The following ADAMTS16 variants were observed in gnomAD, a reference collection of about 807,000 sequenced individuals.
ADAMTS16 encodes the protein A disintegrin and metalloproteinase with thrombospondin motifs 16.
In ADAMTS16, 94 loss-of-function variants were observed where a neutral mutation model predicts 145.8. The ratio of observed to expected loss-of-function variants is 0.64; its 90% CI spans 0.55 to 0.77. The LOEUF (loss-of-function observed/expected upper bound fraction) is 0.77, where lower values mean the gene tolerates loss of function less well. Ranked by LOEUF, ADAMTS16 falls within the 30% of genes least tolerant of loss-of-function variation. The probability of loss-of-function intolerance (pLI) is 0.00; values close to 1 mark genes in which losing one functional copy is unlikely to be tolerated. For missense variants in ADAMTS16, 1,585 were observed against 1,591.5 expected, an observed-to-expected ratio of 1.00 and a Z score of 0.07; for synonymous variants, 659 against 604.3, an observed-to-expected ratio of 1.09 and a Z score of -1.33.
chr5:5,318,194 C>A lies in ADAMTS16; in HGVS notation c.3472C>A (p.Arg1158=). Residue 1158 remains arginine, a synonymous_variant, in exon 22 of 23, where the codon CGG becomes AGG. Coordinates refer to ENST00000274181, the MANE Select transcript of ADAMTS16 (RefSeq NM_139056.4). ...GTCCGTGCAGTGCCTGGCTGGGGGCCGGCCGGCCTCAGGCTGCCTCCTGCA... is the reference window on the plus strand; with the variant it reads ...GTCCGTGCAGTGCCTGGCTGGGGGCAGGCCGGCCTCAGGCTGCCTCCTGCA... ...TRSVQCLAGG[R]PASGCLLHQK... The A allele has an allele frequency of 1.3e-6, 2 of 1,561,732 alleles. No individual in the cohort carries two copies. Among genetic ancestry groups the A allele is most frequent in the Non-Finnish European group, 1.7e-6 (2 of 1,149,390 alleles).
At chr5:5,207,921 A>G (rs1242611969) in intron 9 of ADAMTS16, among the ~76,000 whole-genome samples, 2 of 151,990 alleles carry the variant, frequency 1.3e-5, no homozygotes, top group Admixed American at 1.3e-4. Flanking sequence ...GTTGGATCCA[A>G]TTTGCTAACA....
chr5:5,171,706 A>G (rs748170217), intron 3 of ADAMTS16, among the ~76,000 whole-genome samples: 31 of 152,296 alleles, frequency 2.0e-4, no homozygotes, highest in Non-Finnish European at 3.4e-4. Context: ...ATCAATGTTC[A>G]TCAGGGATAT....
chr5:5,306,407 T>C (rs527664518), intron 20 of ADAMTS16, 97 bp from the exon 21 acceptor site: 22 of 1,035,666 alleles, frequency 2.1e-5, no homozygotes, highest in African/African-American at 1.9e-4. Context: ...TTCACACTTA[T>C]ATAAATGTTC....
intron 18 of ADAMTS16, among the ~76,000 whole-genome samples, chr5:5,283,501 T>C (rs893464814): frequency 6.6e-6 from 1 of 150,862 alleles, no homozygotes; most frequent in African/African-American, 2.4e-5. Context: ...CACAGGACTC[T>C]GTCACCTCAA....
At chr5:5,305,558 ACACG>A (rs1561001119) in intron 20 of ADAMTS16, among the ~76,000 whole-genome samples, 7 of 149,696 alleles carry the variant, frequency 4.7e-5, no homozygotes, top group South Asian at 2.1e-4. Context: ...ACACACACAC[ACACG>A]TCAGAGCTTC....
chr5:5,284,942 C>T (rs1490194964), intron 18 of ADAMTS16, among the ~76,000 whole-genome samples: 2 of 152,168 alleles, frequency 1.3e-5, no homozygotes, highest in East Asian at 1.9e-4. Context: ...TCCTCTGGCG[C>T]ACTTATTCTG....
intron 18 of ADAMTS16, among the ~76,000 whole-genome samples, chr5:5,281,354 T>G (rs1409829136): frequency 6.6e-6 from 1 of 152,234 alleles, no homozygotes; most frequent in Admixed American, 6.5e-5. Flanking sequence ...ATTTTAACAC[T>G]TCGTTCCTTA....
At position 5,140,757 on chromosome 5, in the gene ADAMTS16, G is replaced by A. The variant is rs777810233; in HGVS notation, c.166G>A (p.Glu56Lys). The A allele has an allele frequency of 6.4e-7, 1 of 1,562,610 alleles. No individual in the cohort carries two copies. The highest frequency in any genetic ancestry group is 1.2e-5 in the South Asian group (1 of 85,136). The change falls in exon 2 of 23, where the codon GAA becomes AAA. Residue 56 changes from glutamate (E) to lysine (K), a missense_variant. By Grantham distance (56) the Glu-to-Lys change is moderately conservative. This residue lies in a region of ADAMTS16 where 453 missense variants were observed against 412.1 expected (regional missense o/e 1.10). Transcript: ENST00000274181. ...ACCCGCGGAGCGGCCGGGCTGGATG[G>A]AAAAGGGCGGTAAGTCCGTGAGGTG... ...PPPAERPGWMEKGEYDLVSAY... is the reference protein window; with the variant it reads ...PPPAERPGWMKKGEYDLVSAY...
At position 5,313,821 on chromosome 5, in the gene ADAMTS16, C is replaced by T. The variant is rs79403034; in HGVS notation, c.3412-4313C>T. On this transcript the variant is annotated intron_variant, in intron 21 of 22. Coordinates refer to ENST00000274181, the MANE Select transcript of ADAMTS16 (RefSeq NM_139056.4). ...ACACAGAGTGCATGGAGATCTCAAC[C>T]GATGAGGCTGGGTGAACGCTGCGCA... 1.1e-4 allele frequency among the ~76,000 whole-genome samples: 16 copies of T among 152,364 alleles called. No individual in the cohort carries two copies. The East Asian group carries it at 3.1e-3, about 29-fold the overall frequency.
intron 18 of ADAMTS16, among the ~76,000 whole-genome samples, chr5:5,276,881 A>AC (rs964600293): frequency 2.0e-5 from 3 of 151,726 alleles, no homozygotes; most frequent in Non-Finnish European, 4.4e-5. Flanking sequence ...GAAAATGAAA[A>AC]AAAAAATCTT....
At chr5:5,183,241 G>T (rs552875988) in intron 4 of ADAMTS16, among the ~76,000 whole-genome samples, 1 of 152,330 alleles carries the variant, frequency 6.6e-6, no homozygotes, top group Non-Finnish European at 1.5e-5. Flanking sequence ...GTGCAGGGGA[G>T]GTAGCAGGAA....
chr5:5,190,922 A>G (rs1258798157), intron 7 of ADAMTS16, among the ~76,000 whole-genome samples: 1 of 152,016 alleles, frequency 6.6e-6, no homozygotes, highest in Non-Finnish European at 1.5e-5. Context: ...TGTGTGTACA[A>G]ACAGTGTGGT....
chr5:5,207,732 A>G (rs972352414), intron 9 of ADAMTS16, among the ~76,000 whole-genome samples: 1 of 150,940 alleles, frequency 6.6e-6, no homozygotes, highest in African/African-American at 2.4e-5. Context: ...TTTATCATGA[A>G]TGAGTGTTAA....
chr5:5,201,313 A>G (rs1310068101), intron 9 of ADAMTS16, among the ~76,000 whole-genome samples: 2 of 152,218 alleles, frequency 1.3e-5, no homozygotes, highest in Non-Finnish European at 2.9e-5. Flanking sequence ...TCTGTGCCAC[A>G]TGATGAACCC....
chr5:5,265,907 G>T (rs984833344), intron 18 of ADAMTS16, among the ~76,000 whole-genome samples: 1 of 152,018 alleles, frequency 6.6e-6, no homozygotes. Flanking sequence ...TTTCTTAAGG[G>T]AGAAGCATCT....
chr5:5,213,816 G>A (rs1736341088), intron 10 of ADAMTS16, among the ~76,000 whole-genome samples: 1 of 152,150 alleles, frequency 6.6e-6, no homozygotes, highest in Non-Finnish European at 1.5e-5. Context: ...TCAGCTTTCA[G>A]CCTGCAGCTG....
At chr5:5,159,134 A>T (rs1734678987) in intron 3 of ADAMTS16, among the ~76,000 whole-genome samples, 1 of 152,252 alleles carries the variant, frequency 6.6e-6, no homozygotes, top group Admixed American at 6.5e-5. Flanking sequence ...ACTTCAGAGA[A>T]CCTACAATTG....
chr5:5,277,934 A>T (rs1047905543), intron 18 of ADAMTS16, among the ~76,000 whole-genome samples: 7 of 152,182 alleles, frequency 4.6e-5, no homozygotes, highest in Non-Finnish European at 7.3e-5. Flanking sequence ...GTGAGCTATG[A>T]TCATGCCACT....
intron 9 of ADAMTS16, among the ~76,000 whole-genome samples, chr5:5,206,797 G>T (rs772389300): frequency 6.6e-6 from 1 of 152,014 alleles, no homozygotes; most frequent in Non-Finnish European, 1.5e-5. Context: ...ATTTTTTTAC[G>T]TGTAGATGAC....
Sources: gnomAD v4.1 joint callset for allele counts (sites outside exome capture counted in the v4.1 genomes callset) on GRCh38, gnomAD v4.1.1 for gene constraint, gnomAD v4.1.1 regional missense constraint, MANE v1.5 for transcripts, NCBI Gene and HGNC (gene_info 2026-07-23, HGNC 2026-07-21) for gene names.